Variants in CNNM2 observed in about 807,000 individuals in gnomAD.
CNNM2 encodes metal transporter CNNM2.
A neutral mutation model predicts 66.9 loss-of-function variants in CNNM2; 12 were observed. The observed-to-expected ratio is 0.18, with a 90% CI of 0.11 to 0.29. The LOEUF (loss-of-function observed/expected upper bound fraction) is 0.29, where lower values mean the gene tolerates loss of function less well. CNNM2 is among the 10% of genes least tolerant of loss of function. The pLI, the probability that CNNM2 is intolerant of heterozygous loss-of-function variation, is 1.00. For missense variants in CNNM2, 705 were observed against 1,167.7 expected (o/e 0.60, Z 5.77); for synonymous variants, 557 against 501.8 (o/e 1.11, Z -1.47).
At chr10:102,958,691 A>G (rs943997650) in intron 1 of CNNM2, among the ~76,000 whole-genome samples, 1 of 151,610 alleles carries the variant, frequency 6.6e-6, no homozygotes, top group Non-Finnish European at 1.5e-5. Context: ...GCTGATCTCA[A>G]ACTCCTGATC....
In CNNM2 at chr10:102,919,801, C is replaced by T; in HGVS notation, c.1321C>T (p.Leu441Phe). The change falls in exon 1 of 8, where the codon CTC (leucine) becomes TTC (phenylalanine). Residue 441 changes from leucine to phenylalanine, a missense_variant. Leu to Phe is a conservative substitution (Grantham distance 22). Transcript: ENST00000369878. ...GAACATCATCCAAGGGGCGCTGGAG[C>T]TCCGCACCAAGACGGTGGAGGACGT... ...ELNIIQGALE[L>F]RTKTVEDVMT... 1 of 1,614,234 alleles carries T rather than the reference C, an allele frequency of 6.2e-7. No homozygotes were observed. Among genetic ancestry groups the T allele is most frequent in the Non-Finnish European group, 8.5e-7 (1 of 1,180,046 alleles).
intron 1 of CNNM2, among the ~76,000 whole-genome samples, chr10:103,007,797 A>G (rs1338765721): frequency 2.6e-5 from 4 of 152,222 alleles, no homozygotes; most frequent in Non-Finnish European, 5.9e-5. Context: ...GTTAGATACA[A>G]TTATCACAGT....
In CNNM2 at chr10:103,021,599, G is replaced by A. The variant is rs547099290; in HGVS notation, c.1622-28108G>A. The stretch of plus-strand genomic sequence containing the variant: ...ATTTTGACAATGAGTGAGACCTGTA[G>A]GGTGATAGTCTTGCTCCCACAGTTC... On this transcript the variant is annotated intron_variant, in intron 1 of 7. Transcript: ENST00000369878. Among the ~76,000 whole-genome samples, 19 of 152,268 alleles carry A rather than the reference G, an allele frequency of 1.2e-4. No homozygotes were observed. In the South Asian group the frequency reaches 3.9e-3, roughly 32 times the overall value.
At chr10:102,984,533 T>G (rs1166977789) in intron 1 of CNNM2, among the ~76,000 whole-genome samples, 3 of 152,186 alleles carry the variant, frequency 2.0e-5, no homozygotes, top group African/African-American at 7.2e-5. Flanking sequence ...CAGGAAAATT[T>G]TTTGATGTTA....
At chr10:103,062,481 T>C (rs150468646) in intron 4 of CNNM2, among the ~76,000 whole-genome samples, 113 of 152,356 alleles carry the variant, frequency 7.4e-4, no homozygotes, top group African/African-American at 2.6e-3. Context: ...ACACCCAGCA[T>C]TGAAACTTTT....
intron 1 of CNNM2, among the ~76,000 whole-genome samples, chr10:102,926,283 G>C (rs1203722968): frequency 3.9e-5 from 6 of 152,186 alleles, no homozygotes; most frequent in Non-Finnish European, 7.3e-5. Context: ...ACCGAAGTCT[G>C]AGCATAGACA....
At chr10:102,976,611 A>ATTTTTTTTTTTTGTTTTTTT (rs2063635525) in intron 1 of CNNM2, among the ~76,000 whole-genome samples, 1 of 59,448 alleles carries the variant, frequency 1.7e-5, no homozygotes, top group African/African-American at 7.9e-5. Context: ...CGCCCAGGTA[A>ATTTTTTTTTTTTGTTTTTTT]TTTTTTTTTT....
At chr10:102,968,493 C>T (rs542533476) in intron 1 of CNNM2, among the ~76,000 whole-genome samples, 1 of 152,284 alleles carries the variant, frequency 6.6e-6, no homozygotes, top group South Asian at 2.1e-4. Flanking sequence ...GATCTGCCCG[C>T]CTTGGCCTCC....
At chr10:103,075,073 T>C (rs974016400) in intron 6 of CNNM2, among the ~76,000 whole-genome samples, 4 of 152,344 alleles carry the variant, frequency 2.6e-5, no homozygotes, top group Middle Eastern at 6.8e-3. Flanking sequence ...GGCTGTCATC[T>C]GAAGTTAGGG....
chr10:102,919,688 A>G lies in CNNM2; in HGVS notation c.1208A>G (p.Gln403Arg), dbSNP rs1404807841. 3 of 1,614,218 alleles carry G rather than the reference A, an allele frequency of 1.9e-6. No homozygotes were observed. The highest frequency in any genetic ancestry group is 2.5e-6 in the Non-Finnish European group (3 of 1,180,018). Residue 403 changes from glutamine to arginine, a missense_variant, in exon 1 of 8, where the codon CAG becomes CGG. This residue lies in a region of CNNM2 where 27 missense variants were observed against 40.7 expected (regional missense o/e 0.66). Coordinates refer to ENST00000369878, the MANE Select transcript of CNNM2 (RefSeq NM_017649.5). ...VSKLLDCVLG[Q>R]EIGTVYNREK... ...AAGCTGCTGGACTGCGTCCTGGGCC[A>G]GGAGATAGGCACCGTCTATAACCGG...
rs924229295 is a variant in CNNM2 at position 103,088,828 on chromosome 10, C to G, written c.*11648C>G. On this transcript the variant is annotated 3_prime_UTR_variant, in exon 8 of 8. Coordinates refer to ENST00000369878, the MANE Select transcript of CNNM2 (RefSeq NM_017649.5). ...ATCAACTCTTAGAGGACAAAGAAAT[C>G]TGGAATTGGGTAGCATGAGCCACAG... 3.6e-5 allele frequency: 7 copies of G among 193,594 alleles called. No individual in the cohort carries two copies. Among genetic ancestry groups the G allele is most frequent in the Non-Finnish European group, 6.5e-5 (6 of 92,764 alleles). The allele number at this position is 193,594 out of a possible 1,614,324, so 12.0% of individuals were successfully genotyped here. A position where few individuals can be genotyped will look rare whatever the true frequency, so the allele number is the denominator to read the frequency against.
intron 1 of CNNM2, among the ~76,000 whole-genome samples, chr10:102,957,108 C>T (rs1163696474): frequency 6.6e-6 from 1 of 152,100 alleles, no homozygotes. Context: ...TCGAAACCAG[C>T]CTGGCCAACA....
At chr10:102,941,606 C>T (rs1347697201) in intron 1 of CNNM2, among the ~76,000 whole-genome samples, 2 of 152,170 alleles carry the variant, frequency 1.3e-5, no homozygotes, top group Admixed American at 6.5e-5. Flanking sequence ...TGTTGCTGCT[C>T]CTTCTCCCTG....
chr10:102,961,058 A>C (rs1342624124), intron 1 of CNNM2, among the ~76,000 whole-genome samples: 2 of 151,460 alleles, frequency 1.3e-5, no homozygotes, highest in Admixed American at 6.6e-5. Flanking sequence ...TTGTATCTTC[A>C]GTAGATACGG....
At chr10:102,993,674 T>C (rs1216835567) in intron 1 of CNNM2, among the ~76,000 whole-genome samples, 1 of 152,292 alleles carries the variant, frequency 6.6e-6, no homozygotes, top group East Asian at 1.9e-4. Context: ...GTTGAGGATG[T>C]ATTCTTTGTT....
In CNNM2 at chr10:103,008,142, AT is replaced by A. The variant is rs144059170; in HGVS notation, c.1622-41552del. Among the ~76,000 whole-genome samples, 1,541 of 144,742 alleles carry A rather than the reference AT, an allele frequency of 0.011. 21 individuals are homozygous for A. Among genetic ancestry groups the A allele is most frequent in the African/African-American group, 0.031 (1,219 of 39,718 alleles). 95.0% of individuals were successfully genotyped at this position (144,742 alleles called of 152,430 possible). A position where few individuals can be genotyped will look rare whatever the true frequency, so the allele number is the denominator to read the frequency against. ...ATATCTTGTGTTAGATTGCTGGAGGATTTTTTTTTTTTTAAACCAGTTTCCA... is the reference window on the plus strand; with the variant it reads ...ATATCTTGTGTTAGATTGCTGGAGGATTTTTTTTTTTTAAACCAGTTTCCA... On this transcript the variant is annotated intron_variant, in intron 1 of 7. Transcript: ENST00000369878.
chr10:103,032,927 G>A (rs1422115034), intron 1 of CNNM2, among the ~76,000 whole-genome samples: 2 of 151,574 alleles, frequency 1.3e-5, no homozygotes, highest in Non-Finnish European at 2.9e-5. Context: ...AGACCAGCCT[G>A]GGCAACATGG....
At chr10:102,981,448 C>T (rs1044553836) in intron 1 of CNNM2, among the ~76,000 whole-genome samples, 10 of 140,870 alleles carry the variant, frequency 7.1e-5, no homozygotes, top group Admixed American at 4.9e-4. Flanking sequence ...GGTTTACTCA[C>T]TTATCTTGGG....
At position 102,919,118 on chromosome 10, in the gene CNNM2, G is replaced by A; in HGVS notation, c.638G>A (p.Gly213Glu). The A allele has an allele frequency of 6.2e-7, 1 of 1,610,694 alleles. No individual in the cohort carries two copies. Among genetic ancestry groups the A allele is most frequent in the Non-Finnish European group, 8.5e-7 (1 of 1,179,096 alleles). Residue 213 changes from glycine (G) to glutamate (E), a missense_variant, in exon 1 of 8, where the codon GGG becomes GAG. Physicochemically the swap from Gly to Glu is moderately conservative, Grantham distance 98. This residue lies in a region of CNNM2 where 100 missense variants were observed against 151.9 expected (regional missense o/e 0.66). Coordinates refer to ENST00000369878, the MANE Select transcript of CNNM2 (RefSeq NM_017649.5). ...TCGGGGTCCACGGGTGGCGCCGTCG[G>A]GGGCAAGGGTGGCTCGGGGGTGGCC... ...GGSGSTGGAV[G>E]GKGGSGVAGL...
Sources: allele counts gnomAD v4.1 joint callset (sites outside exome capture counted in the v4.1 genomes callset), GRCh38; gene constraint gnomAD v4.1.1; regional missense constraint gnomAD v4.1.1; transcripts MANE v1.5; gene names NCBI Gene and HGNC (gene_info 2026-07-23, HGNC 2026-07-21).